The following SDK1 variants were observed in gnomAD, a reference collection of about 807,000 sequenced individuals.
SDK1 encodes protein sidekick-1.
SDK1 carries 157 observed loss-of-function variants against 245.5 expected under a neutral mutation model. The observed-to-expected ratio is 0.64, with a 90% CI of 0.56 to 0.73. The LOEUF (loss-of-function observed/expected upper bound fraction) is 0.73, where lower values mean the gene tolerates loss of function less well. SDK1 is among the 30% of genes least tolerant of loss of function. The pLI, the probability that SDK1 is intolerant of heterozygous loss-of-function variation, is 0.00. For missense variants in SDK1, 3,583 were observed against 3,002.3 expected, an observed-to-expected ratio of 1.19 and a Z score of -4.52; for synonymous variants, 1,647 against 1,278.5, an observed-to-expected ratio of 1.29 and a Z score of -6.15.
chr7:3,946,127 C>T (rs889029007), intron 5 of SDK1, among the ~76,000 whole-genome samples: 7 of 151,744 alleles, frequency 4.6e-5, no homozygotes, highest in African/African-American at 1.5e-4. Context: ...GTGAAAGGAC[C>T]TTTCAGTTAC....
chr7:3,625,332 C>G (rs1397762946), intron 2 of SDK1, among the ~76,000 whole-genome samples: 1 of 152,030 alleles, frequency 6.6e-6, no homozygotes, highest in Non-Finnish European at 1.5e-5. Flanking sequence ...TTTTAATTGC[C>G]CATTTGCTTA....
chr7:3,393,543 T>A (rs1444498380), intron 1 of SDK1, among the ~76,000 whole-genome samples: 1 of 152,144 alleles, frequency 6.6e-6, no homozygotes, highest in Non-Finnish European at 1.5e-5. Context: ...CAAGGGAATA[T>A]CGGGAAAGAG....
intron 1 of SDK1, among the ~76,000 whole-genome samples, chr7:3,427,992 C>T (rs913041642): frequency 2.6e-5 from 4 of 152,116 alleles, no homozygotes; most frequent in African/African-American, 9.7e-5. Context: ...TTGAGTTTAC[C>T]AGTGTTTCAG....
Position 3,819,869 on chromosome 7 carries a change from G to A in SDK1, c.714-1581G>A, listed in dbSNP as rs183562013. Among the ~76,000 whole-genome samples, 815 of 152,262 alleles carry A rather than the reference G, an allele frequency of 5.4e-3. 2 individuals carry two copies. The highest frequency in any genetic ancestry group is 8.8e-3 in the Non-Finnish European group (600 of 68,012). On this transcript the variant is annotated intron_variant, in intron 4 of 44. Transcript: ENST00000404826. ...TGCAAAAGGTAGCAGGAAGAAAAAG[G>A]ATTATTATAATGCTAAAATTCCTCA...
At chr7:4,012,046 C>A in intron 15 of SDK1, 49 bp from the exon 16 acceptor site, 1 of 1,362,254 alleles carries the variant, frequency 7.3e-7, no homozygotes, top group South Asian at 2.1e-5. Context: ...TGGGCCCCCG[C>A]TGTTTCTGGT....
chr7:4,223,352 A>G (rs909045586), intron 40 of SDK1, among the ~76,000 whole-genome samples: 1 of 152,242 alleles, frequency 6.6e-6, no homozygotes, highest in Non-Finnish European at 1.5e-5. Context: ...GCAAAGTCCC[A>G]CAAACTAGGC....
intron 1 of SDK1, among the ~76,000 whole-genome samples, chr7:3,386,373 A>C (rs1389373649): frequency 6.6e-6 from 1 of 152,200 alleles, no homozygotes; most frequent in African/African-American, 2.4e-5. Context: ...CCTTTAAAAG[A>C]GTTAAAGTTG....
At chr7:3,962,633 C>T (rs1040162581) in intron 8 of SDK1, 24 bp from the exon 9 acceptor site, 2 of 1,554,724 alleles carry the variant, frequency 1.3e-6, no homozygotes, top group South Asian at 2.4e-5. Context: ...TTTTAAAATC[C>T]TATTTATTCC....
At chr7:3,437,421 A>G (rs558651591) in intron 1 of SDK1, among the ~76,000 whole-genome samples, 3 of 152,152 alleles carry the variant, frequency 2.0e-5, no homozygotes, top group Non-Finnish European at 4.4e-5. Context: ...AACTTTAAAA[A>G]AAGATGTGAA....
chr7:3,866,216 T>G (rs1481174509), intron 5 of SDK1, among the ~76,000 whole-genome samples: 2 of 152,222 alleles, frequency 1.3e-5, no homozygotes, highest in African/African-American at 2.4e-5. Context: ...AAGAGCTGAT[T>G]CACTTATGCA....
chr7:3,838,711 G>T lies in SDK1; in HGVS notation c.847+17128G>T, dbSNP rs187759635. Among the ~76,000 whole-genome samples, 12 of 152,258 alleles carry T rather than the reference G, an allele frequency of 7.9e-5. No homozygotes were observed. In the East Asian group the frequency reaches 2.3e-3, roughly 29 times the overall value. On this transcript the variant is annotated intron_variant, in intron 5 of 44. Coordinates refer to ENST00000404826, the MANE Select transcript of SDK1 (RefSeq NM_152744.4). ...CTGATGGGATGCTGCTCTCAACTGG[G>T]GCATCACCTCATCCTGCTCAGGTCT...
intron 1 of SDK1, among the ~76,000 whole-genome samples, chr7:3,531,617 T>C (rs1167382454): frequency 6.6e-6 from 1 of 152,202 alleles, no homozygotes; most frequent in African/African-American, 2.4e-5. Context: ...TACAATGTAT[T>C]CATTATTTGC....
At position 4,138,013 on chromosome 7, in the gene SDK1, T is replaced by A. The variant is rs1278704884; in HGVS notation, c.4228+5590T>A. On this transcript the variant is annotated intron_variant, in intron 28 of 44. Transcript: ENST00000404826. ...GAGCTATAGGCATTCATCTTTATGT[T>A]CAGCAGACCGTGGTGTGGCGACCAG... Among the ~76,000 whole-genome samples, 4 of 152,344 alleles carry A rather than the reference T, an allele frequency of 2.6e-5. No homozygotes were observed. In the East Asian group the frequency reaches 7.7e-4, roughly 29 times the overall value.
At chr7:3,936,106 G>A (rs531883937) in intron 5 of SDK1, among the ~76,000 whole-genome samples, 1 of 152,334 alleles carries the variant, frequency 6.6e-6, no homozygotes, top group African/African-American at 2.4e-5. Context: ...GAACCTTGGG[G>A]ATGTTATGGT....
At chr7:3,487,858 G>T (rs1037045016) in intron 1 of SDK1, among the ~76,000 whole-genome samples, 8 of 152,066 alleles carry the variant, frequency 5.3e-5, no homozygotes, top group African/African-American at 1.7e-4. Context: ...CAAGCGGAGG[G>T]TGTTGAGCAA....
chr7:3,453,018 G>T (rs1055615676), intron 1 of SDK1, among the ~76,000 whole-genome samples: 2 of 152,072 alleles, frequency 1.3e-5, no homozygotes, highest in Admixed American at 1.3e-4. Context: ...TGCCATCCCC[G>T]TCTTGCCATT....
chr7:3,705,686 C>T (rs1057432296), intron 4 of SDK1, among the ~76,000 whole-genome samples: 1 of 151,778 alleles, frequency 6.6e-6, no homozygotes, highest in African/African-American at 2.4e-5. Flanking sequence ...GTTATGTGAC[C>T]ATGGCATTGG....
At chr7:4,238,032 G>A (rs1326223634) in intron 42 of SDK1, among the ~76,000 whole-genome samples, 4 of 152,004 alleles carry the variant, frequency 2.6e-5, no homozygotes, top group South Asian at 2.1e-4. Flanking sequence ...GGATAAGGGC[G>A]TATGAGTCAT....
chr7:3,703,034 TAAA>T (rs945147230), intron 4 of SDK1, among the ~76,000 whole-genome samples: 19 of 131,970 alleles, frequency 1.4e-4, no homozygotes, highest in Non-Finnish European at 3.1e-4. Flanking sequence ...GTAGTTTCTT[TAAA>T]AAGTAAATGC....
Sources: gnomAD v4.1 joint callset for allele counts (sites outside exome capture counted in the v4.1 genomes callset) on GRCh38, gnomAD v4.1.1 for gene constraint, MANE v1.5 for transcripts, NCBI Gene and HGNC (gene_info 2026-07-23, HGNC 2026-07-21) for gene names.